ADARB1: variants seen among roughly 807,000 people sequenced by gnomAD.
ADARB1 encodes the protein double-stranded RNA-specific editase 1.
Under a neutral mutation model 52.4 loss-of-function variants are expected in ADARB1, and 10 were observed. The ratio of observed to expected loss-of-function variants is 0.19; its 90% confidence interval spans 0.12 to 0.32. The LOEUF is 0.32. Ranked by LOEUF, ADARB1 falls within the 10% of genes least tolerant of loss-of-function variation. The probability of loss-of-function intolerance (pLI) is 1.00; values close to 1 mark genes in which losing one functional copy is unlikely to be tolerated. For missense variants in ADARB1, 643 were observed against 922.3 expected (o/e 0.70, Z 3.92); for synonymous variants, 349 against 371.1 (o/e 0.94, Z 0.68).
At chr21:45,133,365 G>A (rs574711808) in intron 2 of ADARB1, among the ~76,000 whole-genome samples, 8 of 152,224 alleles carry the variant, frequency 5.3e-5, no homozygotes, top group African/African-American at 7.2e-5. Context: ...CTCTCAAGGC[G>A]TATAGGCAGG....
chr21:45,075,479 T>C (rs1161596848), intron 1 of ADARB1, among the ~76,000 whole-genome samples: 2 of 151,664 alleles, frequency 1.3e-5, no homozygotes, highest in African/African-American at 2.4e-5. Flanking sequence ...GAGGGCGCAG[T>C]GTCCGCGCGG....
At position 45,220,333 on chromosome 21, in the gene ADARB1, G is replaced by A. The variant is rs2092940635; in HGVS notation, c.1748-503G>A. 6.6e-6 allele frequency among the ~76,000 whole-genome samples: 1 copy of A among 152,180 alleles called. No individual in the cohort carries two copies. Among genetic ancestry groups the A allele is most frequent in the African/African-American group, 2.4e-5 (1 of 41,452 alleles). ...GGATGTCACACATGCAAAGCCACGT[G>A]ACCTGAACATGCCTGGCCTCTCAGT... On this transcript the variant is annotated intron_variant, in intron 9 of 10. Coordinates refer to ENST00000348831, the MANE Select transcript of ADARB1 (RefSeq NM_001112.4). The surrounding 1 kb of genome is among the most constrained non-coding windows in gnomAD (Gnocchi z 6.3).
rs1313891082 is a variant in ADARB1, at chr21:45,208,639, T to TGA, written c.1747+3905_1747+3906dup. ...GTGTATGTGTGCGTGTGTGTGTGTG[T>TGA]GAGTGCATGTGAGTGTGTGCATGAG... On this transcript the variant is annotated intron_variant, in intron 9 of 10. Transcript: ENST00000348831. The surrounding 1 kb of genome is among the most constrained non-coding windows in gnomAD (Gnocchi z 5.6). Among the ~76,000 whole-genome samples the TGA allele has an allele frequency of 4.4e-4, 67 of 151,862 alleles. No homozygotes were observed. The highest frequency in any genetic ancestry group is 1.6e-3 in the African/African-American group (66 of 41,410).
Position 45,176,789 on chromosome 21 carries a change from GGAGTTAC to G in ADARB1, c.963+126_963+132del. On this transcript the variant is annotated intron_variant, in intron 4 of 10. Coordinates refer to ENST00000348831, the MANE Select transcript of ADARB1 (RefSeq NM_001112.4). The surrounding 1 kb of genome is among the most constrained non-coding windows in gnomAD (Gnocchi z 5.8). Reference sequence around the variant, plus strand: ...TGACATCACTCTGTCCCCACCAGGAGGAGTTACTGGTAAGTCTGGCTGCTTGATTTCC... The same window carrying G: ...TGACATCACTCTGTCCCCACCAGGAGTGGTAAGTCTGGCTGCTTGATTTCC... 1 of 1,090,188 alleles carries G rather than the reference GGAGTTAC, an allele frequency of 9.2e-7. No homozygotes were observed. The highest frequency in any genetic ancestry group is 2.9e-5 in the Admixed American group (1 of 34,486). The allele number at this position is 1,090,188 out of a possible 1,614,324, so 67.5% of individuals were successfully genotyped here.
In ADARB1 at chr21:45,223,722, C is replaced by G. The variant is rs1393644700; in HGVS notation, c.*1525C>G. 2 of 984,494 alleles carry G rather than the reference C, an allele frequency of 2.0e-6. No homozygotes were observed. Among genetic ancestry groups the G allele is most frequent in the Middle Eastern group, 5.2e-4 (1 of 1,938 alleles). The allele number at this position is 984,494 out of a possible 1,614,324, so 61.0% of individuals were successfully genotyped here. ...AGCAGGGGCAGAGGGGCGTCATCCT[C>G]CCACCGGACGCTGGGAGCTCAGACC... On this transcript the variant is annotated 3_prime_UTR_variant, in exon 11 of 11. Transcript: ENST00000348831.
At chr21:45,121,002 A>G (rs2088145011) in intron 1 of ADARB1, 1 of 152,100 alleles carries the variant, frequency 6.6e-6, no homozygotes, top group Non-Finnish European at 1.5e-5. Flanking sequence ...TGTCTTTTAT[A>G]TGTCCCTGGA....
At chr21:45,147,860 T>C (rs1185039850) in intron 2 of ADARB1, among the ~76,000 whole-genome samples, 1 of 151,950 alleles carries the variant, frequency 6.6e-6, no homozygotes, top group African/African-American at 2.4e-5. Flanking sequence ...CCTCTCAGCT[T>C]CTCTTCTGAG....
At chr21:45,109,150 C>T (rs575827903) in intron 1 of ADARB1, among the ~76,000 whole-genome samples, 5 of 151,384 alleles carry the variant, frequency 3.3e-5, no homozygotes, top group Admixed American at 3.3e-4. Flanking sequence ...TGTGTGTGCG[C>T]GCGTGTGCGT....
In ADARB1 at chr21:45,222,547, T is replaced by A; in HGVS notation, c.*350T>A. On this transcript the variant is annotated 3_prime_UTR_variant, in exon 11 of 11. Transcript: ENST00000348831. ...TTAAGTTTAGGAAAATAGAAATTACTTTGTGTGAAATTCTTGAATAAATAA... is the reference window on the plus strand; with the variant it reads ...TTAAGTTTAGGAAAATAGAAATTACATTGTGTGAAATTCTTGAATAAATAA... 9.4e-7 allele frequency: 1 copy of A among 1,069,062 alleles called. No homozygotes were observed. Among genetic ancestry groups the A allele is most frequent in the South Asian group, 4.5e-5 (1 of 22,394 alleles). The allele number at this position is 1,069,062 out of a possible 1,614,324, so 66.2% of individuals were successfully genotyped here.
At position 45,224,406 on chromosome 21, in the gene ADARB1, C is replaced by T. The variant is rs1044784969; in HGVS notation, c.*2209C>T. The T allele has an allele frequency of 8.3e-6, 8 of 960,228 alleles. No individual in the cohort carries two copies. The highest frequency in any genetic ancestry group is 2.0e-5 in the African/African-American group (1 of 49,908). The allele number at this position is 960,228 out of a possible 1,614,324, so 59.5% of individuals were successfully genotyped here. On this transcript the variant is annotated 3_prime_UTR_variant, in exon 11 of 11. Coordinates refer to ENST00000348831, the MANE Select transcript of ADARB1 (RefSeq NM_001112.4). ...GGCACCTTTCCGGGGTGGACTCGTG[C>T]GGCCTTGAGGACAGGCACAGGGCAC...
chr21:45,094,283 T>C (rs2086670080), intron 1 of ADARB1, among the ~76,000 whole-genome samples: 1 of 152,216 alleles, frequency 6.6e-6, no homozygotes, highest in South Asian at 2.1e-4. Context: ...ATAACCTCTG[T>C]GAGGCTGTTG....
At chr21:45,170,598 A>G (rs2091441242) in intron 2 of ADARB1, among the ~76,000 whole-genome samples, 1 of 151,674 alleles carries the variant, frequency 6.6e-6, no homozygotes, top group Admixed American at 6.6e-5. Context: ...ATTTTTAGAT[A>G]TATGATATTT....
intron 1 of ADARB1, among the ~76,000 whole-genome samples, chr21:45,109,203 G>A (rs1196912933): frequency 8.5e-6 from 1 of 117,850 alleles, no homozygotes; most frequent in Non-Finnish European, 1.8e-5. Context: ...GTGCACGTGT[G>A]TTTGCGCGCG....
At chr21:45,101,734 T>G (rs1183417393) in intron 1 of ADARB1, among the ~76,000 whole-genome samples, 1 of 152,190 alleles carries the variant, frequency 6.6e-6, no homozygotes, top group Non-Finnish European at 1.5e-5. Context: ...TACACAAGCT[T>G]TTGGAGTTTT....
At chr21:45,138,166 G>A (rs373379015) in intron 2 of ADARB1, among the ~76,000 whole-genome samples, 154 of 152,324 alleles carry the variant, frequency 1.0e-3, no homozygotes, top group African/African-American at 3.6e-3. Context: ...TTAACCAAGA[G>A]AAAGGGCTGC....
At chr21:45,109,588 G>A (rs2087442536) in intron 1 of ADARB1, among the ~76,000 whole-genome samples, 1 of 152,226 alleles carries the variant, frequency 6.6e-6, no homozygotes, top group South Asian at 2.1e-4. Flanking sequence ...CAGGACTGGA[G>A]GCTCCGTGTA....
At chr21:45,191,880 ATTTTTTTTTTTTTT>A (rs777269104) in intron 8 of ADARB1, among the ~76,000 whole-genome samples, 73 of 15,676 alleles carry the variant, frequency 4.7e-3, no homozygotes, top group Admixed American at 0.01. Context: ...ATATATATAT[ATTTTTTTTTTTTTT>A]TTTTTTTTTT....
chr21:45,124,338 C>A (rs796673463), intron 1 of ADARB1, among the ~76,000 whole-genome samples: 14 of 152,054 alleles, frequency 9.2e-5, no homozygotes, highest in African/African-American at 3.4e-4. Context: ...TAATCCATCC[C>A]TCCCTCCCTG....
At chr21:45,168,851 T>C (rs954340338) in intron 2 of ADARB1, among the ~76,000 whole-genome samples, 1 of 152,202 alleles carries the variant, frequency 6.6e-6, no homozygotes, top group African/African-American at 2.4e-5. Context: ...TAGTTTGATA[T>C]CTTCTGTTTC....
Sources: allele counts gnomAD v4.1 joint callset (sites outside exome capture counted in the v4.1 genomes callset), GRCh38; gene constraint gnomAD v4.1.1; non-coding constraint Gnocchi (gnomAD v3.1); transcripts MANE v1.5; gene names NCBI Gene and HGNC (gene_info 2026-07-23, HGNC 2026-07-21).